Variants in MSI2 observed in about 807,000 individuals in gnomAD.
MSI2 encodes RNA-binding protein Musashi homolog 2.
In MSI2, 17 loss-of-function variants were observed where a neutral mutation model predicts 45.6. That is an observed-to-expected ratio of 0.37 (90% CI 0.26 to 0.56). MSI2 has a LOEUF of 0.56. Ranked by LOEUF, MSI2 falls within the 20% of genes least tolerant of loss-of-function variation. MSI2 has a pLI of 0.77. For missense variants in MSI2, 293 were observed against 444.2 expected (o/e 0.66, Z 3.06); for synonymous variants, 156 against 158.2 (o/e 0.99, Z 0.11).
At chr17:57,379,640 C>T (rs920188694) in intron 5 of MSI2, among the ~76,000 whole-genome samples, 2 of 152,140 alleles carry the variant, frequency 1.3e-5, no homozygotes, top group Non-Finnish European at 2.9e-5. Flanking sequence ...CACCACAGTC[C>T]CCTCTTGAAA....
chr17:57,416,653 G>T (rs557377444), intron 6 of MSI2, among the ~76,000 whole-genome samples: 1 of 152,184 alleles, frequency 6.6e-6, no homozygotes, highest in East Asian at 1.9e-4. Context: ...GCCCTTTTTG[G>T]GGGTGCTTAT....
At chr17:57,289,791 C>T (rs1910249372) in intron 5 of MSI2, among the ~76,000 whole-genome samples, 1 of 152,238 alleles carries the variant, frequency 6.6e-6, no homozygotes, top group Admixed American at 6.5e-5. Flanking sequence ...TGCAGGAGTG[C>T]TGCCCGGCAG....
At chr17:57,408,636 C>T (rs1368513425) in intron 6 of MSI2, among the ~76,000 whole-genome samples, 2 of 151,016 alleles carry the variant, frequency 1.3e-5, no homozygotes, top group African/African-American at 4.9e-5. Flanking sequence ...AGCTCACCTT[C>T]CCAGAGTCCT....
chr17:57,423,584 C>T (rs1291347655), intron 6 of MSI2, among the ~76,000 whole-genome samples: 1 of 152,196 alleles, frequency 6.6e-6, no homozygotes, highest in Non-Finnish European at 1.5e-5. Context: ...TTCTGAGCTA[C>T]ATCCCAAGTT....
At chr17:57,559,116 C>A (rs1392918790) in intron 7 of MSI2, among the ~76,000 whole-genome samples, 4 of 151,956 alleles carry the variant, frequency 2.6e-5, no homozygotes, top group Non-Finnish European at 4.4e-5. Flanking sequence ...TAATTCATAC[C>A]TTCTCCAAAT....
chr17:57,627,544 C>T lies in MSI2; in HGVS notation c.727+241C>T. On this transcript the variant is annotated intron_variant, in intron 10 of 13. Transcript: ENST00000284073. This position sits in a 1 kb window ranked among gnomAD's most constrained non-coding sequence, Gnocchi z 4.6. ...AGAACGGCAGCTTTTAAAGGGAAAG[C>T]AGAACGGAGGCAGGAGGCCTCCCTG... is the stretch of plus-strand genomic sequence containing the variant. 5.3e-6 allele frequency: 3 copies of T among 565,616 alleles called. No homozygotes were observed. Among genetic ancestry groups the T allele is most frequent in the Non-Finnish European group, 9.4e-6 (3 of 318,608 alleles). 35.0% of individuals were successfully genotyped at this position (565,616 alleles called of 1,614,324 possible).
At chr17:57,325,776 A>G (rs1007104630) in intron 5 of MSI2, among the ~76,000 whole-genome samples, 4 of 152,128 alleles carry the variant, frequency 2.6e-5, no homozygotes, top group Admixed American at 6.5e-5. Flanking sequence ...GATCAGATCA[A>G]ATTCTTAAGG....
At chr17:57,432,184 A>G (rs1404432762) in intron 6 of MSI2, among the ~76,000 whole-genome samples, 2 of 152,176 alleles carry the variant, frequency 1.3e-5, no homozygotes, top group Admixed American at 6.5e-5. Context: ...GTGGATGAGA[A>G]TCACGGAATT....
intron 5 of MSI2, chr17:57,277,988 C>T (rs1909025521): frequency 6.6e-6 from 1 of 152,606 alleles, no homozygotes; most frequent in African/African-American, 2.4e-5. Flanking sequence ...TGATTGAGGC[C>T]AGGAGTTGGA....
intron 6 of MSI2, among the ~76,000 whole-genome samples, chr17:57,454,259 C>G (rs1329985911): frequency 6.6e-6 from 1 of 152,092 alleles, no homozygotes; most frequent in African/African-American, 2.4e-5. Context: ...TAGTGAGAGG[C>G]CCACCATCCG....
Position 57,414,226 on chromosome 17 carries a change from C to T in MSI2, c.405+12755C>T, listed in dbSNP as rs996560484. On this transcript the variant is annotated intron_variant, in intron 6 of 13. Coordinates refer to ENST00000284073, the MANE Select transcript of MSI2 (RefSeq NM_138962.4). ...TGCCTTGACCTGACTGTAAATTCCA[C>T]CAAGTGGGGCTGGGTCTGTTTACTC... 2.6e-5 allele frequency among the ~76,000 whole-genome samples: 4 copies of T among 152,144 alleles called. No homozygotes were observed. The East Asian group carries it at 7.7e-4, about 29-fold the overall frequency.
At chr17:57,347,927 G>A (rs1264975289) in intron 5 of MSI2, among the ~76,000 whole-genome samples, 1 of 152,212 alleles carries the variant, frequency 6.6e-6, no homozygotes, top group Non-Finnish European at 1.5e-5. Flanking sequence ...TGACTATGGC[G>A]ATAGAGCGGT....
intron 5 of MSI2, among the ~76,000 whole-genome samples, chr17:57,312,289 T>G (rs1179791468): frequency 5.3e-5 from 8 of 152,258 alleles, no homozygotes; most frequent in African/African-American, 9.6e-5. Flanking sequence ...ATCTTAAGAC[T>G]GTGTTGGGTT....
intron 6 of MSI2, among the ~76,000 whole-genome samples, chr17:57,455,510 G>A (rs552394173): frequency 4.6e-5 from 7 of 152,282 alleles, no homozygotes; most frequent in South Asian, 2.1e-4. Flanking sequence ...TCCTAGGACC[G>A]TTATGAATTA....
intron 6 of MSI2, among the ~76,000 whole-genome samples, chr17:57,477,056 C>T (rs2085550795): frequency 6.6e-6 from 1 of 151,884 alleles, no homozygotes. Flanking sequence ...AAAATTCTAC[C>T]AAATTGAGCC....
At chr17:57,307,157 A>G (rs538832413) in intron 5 of MSI2, among the ~76,000 whole-genome samples, 37 of 152,160 alleles carry the variant, frequency 2.4e-4, no homozygotes, top group Non-Finnish European at 5.0e-4. Context: ...GATTAATTTC[A>G]TATGTCCACT....
intron 5 of MSI2, among the ~76,000 whole-genome samples, chr17:57,333,316 C>T (rs1914419398): frequency 6.6e-6 from 1 of 152,128 alleles, no homozygotes. Context: ...AATTATTTTT[C>T]CCCCCTGGAA....
At chr17:57,302,050 T>A (rs73323478) in intron 5 of MSI2, among the ~76,000 whole-genome samples, 4,089 of 152,324 alleles carry the variant, frequency 0.027, 176 homozygotes, top group African/African-American at 0.092. Context: ...CGTTGTGGTT[T>A]TATCTAGCAT....
rs552684651 is a variant in MSI2, at chr17:57,340,410, C to A, written c.313-60969C>A. Among the ~76,000 whole-genome samples the A allele has an allele frequency of 7.9e-4, 121 of 152,330 alleles. No homozygotes were observed. The South Asian group carries it at 0.025, about 31-fold the overall frequency. On this transcript the variant is annotated intron_variant, in intron 5 of 13. Coordinates refer to ENST00000284073, the MANE Select transcript of MSI2 (RefSeq NM_138962.4). ...GGTACAGTGTCAACACTGCAGGGCT[C>A]TTTGGAGGCTGAAATGAGATGAAAT...
Sources: gnomAD v4.1 joint callset for allele counts (sites outside exome capture counted in the v4.1 genomes callset) on GRCh38, gnomAD v4.1.1 for gene constraint, Gnocchi (gnomAD v3.1) non-coding constraint, MANE v1.5 for transcripts, NCBI Gene and HGNC (gene_info 2026-07-23, HGNC 2026-07-21) for gene names.